The following EXOC2 variants were observed in gnomAD, a reference collection of about 807,000 sequenced individuals.
EXOC2 encodes the protein exocyst complex component 2.
Under a neutral mutation model 131.8 loss-of-function variants are expected in EXOC2, and 70 were observed. The observed-to-expected ratio is 0.53, with a 90% CI of 0.44 to 0.65. EXOC2 has a LOEUF of 0.65. Ranked by LOEUF, EXOC2 falls within the 30% of genes least tolerant of loss-of-function variation. The probability of loss-of-function intolerance (pLI) is 0.00; values close to 1 mark genes in which losing one functional copy is unlikely to be tolerated. For synonymous variants in EXOC2, 411 were observed against 398.4 expected (o/e 1.03, Z -0.38); for missense variants, 923 against 1,108.6 (o/e 0.83, Z 2.38).
intron 23 of EXOC2, among the ~76,000 whole-genome samples, chr6:513,710 A>C (rs1764979978): frequency 6.6e-6 from 1 of 152,268 alleles, no homozygotes; most frequent in South Asian, 2.1e-4. Context: ...TATTACATTT[A>C]TGAATTTACT....
chr6:649,312 A>C (rs1014887539), intron 1 of EXOC2, among the ~76,000 whole-genome samples: 1 of 152,260 alleles, frequency 6.6e-6, no homozygotes, highest in East Asian at 1.9e-4. Context: ...TTCTGGTACA[A>C]GAAAACTAAT....
chr6:495,314 A>G (rs1001849170), intron 25 of EXOC2, among the ~76,000 whole-genome samples: 1 of 150,966 alleles, frequency 6.6e-6, no homozygotes, highest in Non-Finnish European at 1.5e-5. Context: ...TTTAGTAGAG[A>G]CGGGTTTCAC....
chr6:587,519 C>T (rs889646412), intron 11 of EXOC2, among the ~76,000 whole-genome samples: 3 of 152,244 alleles, frequency 2.0e-5, no homozygotes, highest in Non-Finnish European at 4.4e-5. Flanking sequence ...GCTGGGATTA[C>T]AGGCGTGAGC....
chr6:689,883 G>A (rs963875445), intron 1 of EXOC2, among the ~76,000 whole-genome samples: 3 of 152,088 alleles, frequency 2.0e-5, no homozygotes, highest in Admixed American at 6.5e-5. Flanking sequence ...AAAATTTCAA[G>A]GCAGGAAGGA....
intron 11 of EXOC2, among the ~76,000 whole-genome samples, chr6:582,118 C>A (rs1394461258): frequency 6.6e-6 from 1 of 152,132 alleles, no homozygotes; most frequent in African/African-American, 2.4e-5. Flanking sequence ...CAATCTTTGA[C>A]AATCGAGACT....
chr6:493,649 G>A (rs1763561015), intron 25 of EXOC2, among the ~76,000 whole-genome samples: 1 of 152,172 alleles, frequency 6.6e-6, no homozygotes, highest in Admixed American at 6.5e-5. Context: ...CTGGAGTTTG[G>A]CACCTAATTG....
chr6:617,644 A>C (rs1581566310), intron 6 of EXOC2, 67 bp downstream of exon 6: 3 of 1,564,590 alleles, frequency 1.9e-6, no homozygotes, highest in Non-Finnish European at 2.6e-6. Flanking sequence ...CCCTGTAAAC[A>C]CCCTGCAGGC....
rs940979682 is a variant in EXOC2, at chr6:506,518, A to G, written c.2381-6818T>C. Among the ~76,000 whole-genome samples, 38 of 152,222 alleles carry G rather than the reference A, an allele frequency of 2.5e-4. No homozygotes were observed. Among genetic ancestry groups the G allele is most frequent in the African/African-American group, 9.2e-4 (38 of 41,460 alleles). ...GTTTTTAAAAAGGTTCCCCTTCAAT[A>G]AACCCCCACAACTTTCCATGTTGTT... On this transcript the variant is annotated intron_variant, in intron 23 of 27. Transcript: ENST00000230449. The surrounding 1 kb of genome is among the most constrained non-coding windows in gnomAD (Gnocchi z 4.4).
chr6:575,109 C>T (rs138614264), intron 12 of EXOC2, among the ~76,000 whole-genome samples: 5 of 152,328 alleles, frequency 3.3e-5, no homozygotes, highest in Non-Finnish European at 7.3e-5. Flanking sequence ...GCGGGCCCCT[C>T]GTGAATGGCT....
chr6:677,934 T>TCACACACACACACA (rs1554150218), intron 1 of EXOC2, among the ~76,000 whole-genome samples: 1 of 147,204 alleles, frequency 6.8e-6, no homozygotes, highest in African/African-American at 2.5e-5. Flanking sequence ...TTATAATCTC[T>TCACACACACACACA]CACACACACA....
intron 1 of EXOC2, among the ~76,000 whole-genome samples, chr6:679,678 G>A (rs1181051835): frequency 3.9e-5 from 6 of 152,266 alleles, no homozygotes; most frequent in East Asian, 3.9e-4. Context: ...ACAGCAAGAC[G>A]GGGAAAAAAC....
chr6:489,052 A>G lies in EXOC2; in HGVS notation c.2622-14T>C, dbSNP rs757047624. Reference sequence around the variant, plus strand: ...TTAAAACTTGACCTGAAACACAAACAGCCACACTGAAGTTGAAGCCTTGCA... The same window carrying G: ...TTAAAACTTGACCTGAAACACAAACGGCCACACTGAAGTTGAAGCCTTGCA... On this transcript the variant is annotated splice_polypyrimidine_tract_variant and intron_variant, in intron 26 of 27. Transcript: ENST00000230449. 1 of 1,613,710 alleles carries G rather than the reference A, an allele frequency of 6.2e-7. No homozygotes were observed. The highest frequency in any genetic ancestry group is 2.2e-5 in the East Asian group (1 of 44,874).
intron 26 of EXOC2, among the ~76,000 whole-genome samples, chr6:490,236 C>A (rs192760615): frequency 6.6e-6 from 1 of 152,314 alleles, no homozygotes; most frequent in East Asian, 1.9e-4. Flanking sequence ...TAAACTTCCT[C>A]TATAGATGAG....
At chr6:577,337 G>C (rs997293929) in intron 11 of EXOC2, among the ~76,000 whole-genome samples, 6 of 152,172 alleles carry the variant, frequency 3.9e-5, no homozygotes, top group Admixed American at 3.3e-4. Flanking sequence ...CTTGATGCCA[G>C]TCATCTAGTG....
At chr6:640,469 T>C (rs1220472731) in intron 1 of EXOC2, among the ~76,000 whole-genome samples, 1 of 152,220 alleles carries the variant, frequency 6.6e-6, no homozygotes, top group African/African-American at 2.4e-5. Context: ...GCCTGAATTA[T>C]GCCCACCCAC....
chr6:644,784 G>T (rs1485482448), intron 1 of EXOC2, among the ~76,000 whole-genome samples: 3 of 151,978 alleles, frequency 2.0e-5, no homozygotes. Context: ...CTTAATAAAA[G>T]AAATGTACAA....
intron 22 of EXOC2, among the ~76,000 whole-genome samples, chr6:541,410 G>T (rs1374969031): frequency 6.6e-6 from 1 of 152,164 alleles, no homozygotes; most frequent in Non-Finnish European, 1.5e-5. Context: ...AAATAAACAA[G>T]ATTAGAGTCC....
At position 665,009 on chromosome 6, in the gene EXOC2, G is replaced by T. The variant is rs13328247; in HGVS notation, c.-43-27148C>A. On this transcript the variant is annotated intron_variant, in intron 1 of 27. Coordinates refer to ENST00000230449, the MANE Select transcript of EXOC2 (RefSeq NM_018303.6). ...AGAGTAAACAGACAACACACAGAGG[G>T]GGAGAAAATCTTCACAATCTATACA... Among the ~76,000 whole-genome samples the T allele has an allele frequency of 2.2e-3, 341 of 152,154 alleles. 1 individual carries two copies. Among genetic ancestry groups the T allele is most frequent in the African/African-American group, 8.0e-3 (333 of 41,510 alleles).
intron 9 of EXOC2, 69 bp from the exon 10 acceptor site, chr6:598,192 A>C (rs915719598): frequency 5.3e-6 from 7 of 1,315,846 alleles, no homozygotes; most frequent in Non-Finnish European, 7.4e-6. Flanking sequence ...CAAAAAGCAG[A>C]ATAGTAGTTG....
Sources: allele counts gnomAD v4.1 joint callset (sites outside exome capture counted in the v4.1 genomes callset), GRCh38; gene constraint gnomAD v4.1.1; non-coding constraint Gnocchi (gnomAD v3.1); transcripts MANE v1.5; gene names NCBI Gene and HGNC (gene_info 2026-07-23, HGNC 2026-07-21).